NUDT3: variants seen among roughly 807,000 people sequenced by gnomAD.
The protein encoded by NUDT3 is diphosphoinositol polyphosphate phosphohydrolase 1.
NUDT3 carries 9 observed loss-of-function variants against 23.6 expected under a neutral mutation model. The ratio of observed to expected loss-of-function variants is 0.38; its 90% CI spans 0.23 to 0.66. The LOEUF (loss-of-function observed/expected upper bound fraction) is 0.66, where lower values mean the gene tolerates loss of function less well. NUDT3 is among the 30% of genes least tolerant of loss of function. NUDT3 has a pLI of 0.52. For missense variants in NUDT3, 172 were observed against 218.5 expected, an observed-to-expected ratio of 0.79 and a Z score of 1.34; for synonymous variants, 86 against 82.6, an observed-to-expected ratio of 1.04 and a Z score of -0.22.
chr6:34,311,464 T>C (rs1763771265), intron 2 of NUDT3, among the ~76,000 whole-genome samples: 1 of 152,222 alleles, frequency 6.6e-6, no homozygotes, highest in Non-Finnish European at 1.5e-5. Context: ...TCCATGTTAA[T>C]GAATAGGAAG....
Position 34,293,482 on chromosome 6 carries a change from C to A in NUDT3, c.309G>T (p.Val103=). 3 of 1,614,188 alleles carry A rather than the reference C, an allele frequency of 1.9e-6. No homozygotes were observed. The highest frequency in any genetic ancestry group is 2.5e-6 in the Non-Finnish European group (3 of 1,180,026). ...TYVYVLIVTE[V]LEDWEDSVNI... is the part of the protein sequence containing the mutation. ...TAACTGAATCTTCCCAGTCTTCCAG[C>A]ACTTCAGTGACAATGAGCACATAGA... Residue 103 remains valine (V), a synonymous_variant, in exon 4 of 5, where the codon GTG becomes GTT. Coordinates refer to ENST00000607016, the MANE Select transcript of NUDT3 (RefSeq NM_006703.4).
chr6:34,391,956 C>T (rs1013642684), intron 1 of NUDT3, among the ~76,000 whole-genome samples: 3 of 152,226 alleles, frequency 2.0e-5, no homozygotes, highest in East Asian at 1.9e-4. Context: ...GCACTCTTCC[C>T]AGCCCACTGC....
intron 2 of NUDT3, among the ~76,000 whole-genome samples, chr6:34,327,528 CAAAA>C (rs60757572): frequency 2.1e-5 from 2 of 94,108 alleles, no homozygotes; most frequent in Non-Finnish European, 2.4e-5. Flanking sequence ...GACTCCGCCT[CAAAA>C]AAAAAAAAAA....
chr6:34,293,677 T>C (rs374313663), intron 3 of NUDT3, 142 bp from the exon 4 acceptor site: 7 of 942,474 alleles, frequency 7.4e-6, no homozygotes, highest in South Asian at 5.2e-5. Flanking sequence ...CCTACAGTTA[T>C]AGCTACATGA....
intron 1 of NUDT3, among the ~76,000 whole-genome samples, chr6:34,367,415 G>C (rs1317244085): frequency 1.3e-5 from 2 of 151,674 alleles, no homozygotes; most frequent in African/African-American, 4.8e-5. Context: ...CTGGGAGGCG[G>C]AGGTTGCAGC....
rs1457774140 is a variant in NUDT3 at position 34,286,265 on chromosome 6, G to C, written c.*2488C>G. 1 of 152,098 alleles carries C rather than the reference G, an allele frequency of 6.6e-6. No homozygotes were observed. The highest frequency in any genetic ancestry group is 2.4e-5 in the African/African-American group (1 of 41,394). The allele number at this position is 152,098 out of a possible 1,614,324, so 9.4% of individuals were successfully genotyped here. On this transcript the variant is annotated 3_prime_UTR_variant, in exon 5 of 5. Transcript: ENST00000607016. Reference sequence around the variant, plus strand: ...CCCAGCTAATTTTTGTATTTTAGTAGAGATGGGGTTTTGCCATGTTGGTCA... The same window carrying C: ...CCCAGCTAATTTTTGTATTTTAGTACAGATGGGGTTTTGCCATGTTGGTCA...
chr6:34,291,052 C>T (rs773014392), intron 4 of NUDT3, among the ~76,000 whole-genome samples: 6 of 151,740 alleles, frequency 4.0e-5, no homozygotes, highest in Non-Finnish European at 5.9e-5. Flanking sequence ...CTCCGCCTCC[C>T]GGGTTCAAGC....
chr6:34,365,463 G>C (rs1764713107), intron 1 of NUDT3, among the ~76,000 whole-genome samples: 1 of 151,982 alleles, frequency 6.6e-6, no homozygotes, highest in African/African-American at 2.4e-5. Flanking sequence ...ATAAAGTCCT[G>C]GGATATTATT....
At chr6:34,290,626 A>C (rs948898764) in intron 4 of NUDT3, among the ~76,000 whole-genome samples, 1 of 150,888 alleles carries the variant, frequency 6.6e-6, no homozygotes, top group South Asian at 2.1e-4. Flanking sequence ...CAGGAGGTTG[A>C]GGCTGCAGTG....
Position 34,392,404 on chromosome 6 carries a change from C to G in NUDT3, c.-42G>C. On this transcript the variant is annotated 5_prime_UTR_variant, in exon 1 of 5. Coordinates refer to ENST00000607016, the MANE Select transcript of NUDT3 (RefSeq NM_006703.4). ...GGGGTGCGGTGCGGGTCGCAGGAGT[C>G]GAGGGGTGGGGAGCCCGCTCTGGAC... The G allele has an allele frequency of 1.3e-6, 2 of 1,519,060 alleles. No homozygotes were observed. 94.1% of individuals were successfully genotyped at this position (1,519,060 alleles called of 1,614,324 possible).
At chr6:34,323,593 A>G (rs1763978418) in intron 2 of NUDT3, among the ~76,000 whole-genome samples, 1 of 152,076 alleles carries the variant, frequency 6.6e-6, no homozygotes, top group Admixed American at 6.6e-5. Context: ...GAAACAAGAA[A>G]CAAAGAAGAG....
In NUDT3 at chr6:34,327,258, C is replaced by A. The variant is rs114518822; in HGVS notation, c.210+14604G>T. On this transcript the variant is annotated intron_variant, in intron 2 of 4. Transcript: ENST00000607016. ...TCAGAAAGATCAAAGACAGGCCGGG[C>A]GCGGTGGCTCACCTGTAATCCCAGC... 8.4e-3 allele frequency among the ~76,000 whole-genome samples: 1,275 copies of A among 152,026 alleles called. 12 individuals carry two copies. The highest frequency in any genetic ancestry group is 0.024 in the African/African-American group (994 of 41,458).
At chr6:34,351,639 AC>A (rs1361688228) in intron 1 of NUDT3, among the ~76,000 whole-genome samples, 3 of 147,282 alleles carry the variant, frequency 2.0e-5, no homozygotes, top group Non-Finnish European at 4.5e-5. Flanking sequence ...CTATCGGGAG[AC>A]TGAAGGAGGA....
At chr6:34,360,580 C>G (rs1027527317) in intron 1 of NUDT3, among the ~76,000 whole-genome samples, 6 of 152,114 alleles carry the variant, frequency 3.9e-5, no homozygotes, top group African/African-American at 1.2e-4. Context: ...CAAAAACAAA[C>G]AAACAAAAAA....
intron 2 of NUDT3, among the ~76,000 whole-genome samples, chr6:34,308,476 A>T (rs1374980546): frequency 6.6e-6 from 1 of 151,940 alleles, no homozygotes; most frequent in Admixed American, 6.6e-5. Context: ...AAAAAAAAAA[A>T]AATACTGAGA....
intron 1 of NUDT3, among the ~76,000 whole-genome samples, chr6:34,358,800 G>A (rs115304457): frequency 0.016 from 2,416 of 151,998 alleles, 55 homozygotes; most frequent in African/African-American, 0.053. Context: ...CAAGTTTATC[G>A]TTCTTACAAA....
chr6:34,345,430 G>A (rs541690082), intron 1 of NUDT3, among the ~76,000 whole-genome samples: 5 of 151,662 alleles, frequency 3.3e-5, no homozygotes, highest in Non-Finnish European at 5.9e-5. Context: ...TAGGGAGGTC[G>A]AGGCGGGCAG....
intron 2 of NUDT3, among the ~76,000 whole-genome samples, chr6:34,328,097 ACTTT>A (rs764495222): frequency 9.2e-5 from 14 of 152,112 alleles, no homozygotes; most frequent in Non-Finnish European, 1.2e-4. Context: ...TATTCTAACT[ACTTT>A]CTTTATTATA....
intron 1 of NUDT3, among the ~76,000 whole-genome samples, chr6:34,370,529 G>A (rs536613544): frequency 2.0e-4 from 30 of 152,304 alleles, no homozygotes; most frequent in African/African-American, 5.5e-4. Flanking sequence ...AGTATTTAGC[G>A]AAAAGAGGGT....
Sources: gnomAD v4.1 joint callset for allele counts (sites outside exome capture counted in the v4.1 genomes callset) on GRCh38, gnomAD v4.1.1 for gene constraint, MANE v1.5 for transcripts, NCBI Gene and HGNC (gene_info 2026-07-23, HGNC 2026-07-21) for gene names.